RPAP1: variants seen among roughly 807,000 people sequenced by gnomAD.
RPAP1 encodes RNA polymerase II-associated protein 1.
Under a neutral mutation model 142.4 loss-of-function variants are expected in RPAP1, and 109 were observed. The ratio of observed to expected loss-of-function variants is 0.77; its 90% CI spans 0.66 to 0.90. The LOEUF (loss-of-function observed/expected upper bound fraction) is 0.90, where lower values mean the gene tolerates loss of function less well. Among genes scored for constraint, RPAP1 ranks in the 40% least tolerant of loss-of-function variants. RPAP1 has a pLI of 0.00. For missense variants in RPAP1, 1,546 were observed against 1,751.7 expected (o/e 0.88, Z 2.10); for synonymous variants, 704 against 738.9 (o/e 0.95, Z 0.77).
chr15:41,522,610 G>C, intron 19 of RPAP1, 155 bp downstream of exon 19: 1 of 640,786 alleles, frequency 1.6e-6, no homozygotes. Context: ...GGCTGGTCTC[G>C]AACTCCCGAC....
chr15:41,522,499 T>C (rs989904667), intron 19 of RPAP1: 5 of 568,912 alleles, frequency 8.8e-6, no homozygotes, highest in Non-Finnish European at 1.6e-5. Context: ...CAAGTGATTC[T>C]CCTGCCTCAG....
chr15:41,536,814 G>C, intron 2 of RPAP1, 131 bp downstream of exon 2: 1 of 1,378,882 alleles, frequency 7.3e-7, no homozygotes, highest in Non-Finnish European at 9.9e-7. Context: ...TGTAAAATGG[G>C]GCTGCAGAAA....
At chr15:41,521,253 C>G (rs980576493) in intron 21 of RPAP1, 106 bp from the exon 22 acceptor site, 1 of 1,128,680 alleles carries the variant, frequency 8.9e-7, no homozygotes, top group African/African-American at 1.5e-5. Flanking sequence ...AGACCTGTGC[C>G]TCTCTGCTCC....
At position 41,518,168 on chromosome 15, in the gene RPAP1, C is replaced by T; in HGVS notation, c.3810G>A (p.Leu1270=). Residue 1270 remains leucine (L), a synonymous_variant, in exon 23 of 25, where the codon CTG becomes CTA. Transcript: ENST00000304330. ...CTTCAGGAGGCACTGTGTAACACTC[C>T]AGGGACACAGGCAACTGTGACAGGG... is the stretch of plus-strand genomic sequence containing the variant. ...SLPLTQLPVS[L]ECYTVPPEDN... is the part of the protein sequence containing the mutation. 6.4e-7 allele frequency: 1 copy of T among 1,568,210 alleles called. No homozygotes were observed. Among genetic ancestry groups the T allele is most frequent in the Non-Finnish European group, 8.6e-7 (1 of 1,162,214 alleles).
At chr15:41,536,317 T>C (rs1288439436) in intron 3 of RPAP1, 99 bp from the exon 4 acceptor site, 1 of 1,338,000 alleles carries the variant, frequency 7.5e-7, no homozygotes, top group Non-Finnish European at 1.1e-6. Flanking sequence ...AGAACCTCAC[T>C]CTGGGGGGTT....
At chr15:41,521,430 A>G (rs1255738047) in intron 21 of RPAP1, among the ~76,000 whole-genome samples, 3 of 152,270 alleles carry the variant, frequency 2.0e-5, no homozygotes, top group Admixed American at 6.5e-5. Flanking sequence ...CTTAAAATGT[A>G]GATAAATACA....
At chr15:41,531,652 T>TGAGACGGAA (rs2051853209) in intron 6 of RPAP1, among the ~76,000 whole-genome samples, 1 of 95,582 alleles carries the variant, frequency 1.0e-5, no homozygotes, top group Admixed American at 1.2e-4. Context: ...TTTTTTTTTT[T>TGAGACGGAA]TTTTTTGAGA....
intron 19 of RPAP1, 168 bp downstream of exon 19, chr15:41,522,597 C>T (rs1016460630): frequency 2.0e-5 from 12 of 596,894 alleles, no homozygotes; most frequent in South Asian, 1.5e-4. Flanking sequence ...TCCATGTTGG[C>T]CAGGCTGGTC....
rs2051727107 is a variant in RPAP1, at chr15:41,521,651, C to T, written c.3038+87G>A. ...TCGGTGGAAGAAAGAGAATTTAGGT[C>T]TCCTGGCTCCAAATTCAGGGCTGCT... On this transcript the variant is annotated intron_variant, in intron 21 of 24. Transcript: ENST00000304330. 2.7e-6 allele frequency: 4 copies of T among 1,470,578 alleles called. No homozygotes were observed. The African/African-American group carries it at 4.2e-5, about 16-fold the overall frequency. The allele number at this position is 1,470,578 out of a possible 1,614,324, so 91.1% of individuals were successfully genotyped here.
chr15:41,522,881 A>C lies in RPAP1; in HGVS notation c.2626T>G (p.Ser876Ala). Residue 876 changes from serine (S) to alanine (A), a missense_variant, in exon 19 of 25, where the codon TCG (serine) becomes GCG (alanine). Ser to Ala is a moderately conservative substitution (Grantham distance 99). This residue lies in a region of RPAP1 where 1,333 missense variants were observed against 1,486.6 expected (regional missense o/e 0.90). Coordinates refer to ENST00000304330, the MANE Select transcript of RPAP1 (RefSeq NM_015540.4). ...APPSLVSLGC[S>A]GGCPRLSLAG... Reference sequence around the variant, plus strand: ...AGACTGAGACGGGGGCAGCCTCCCGAGCAGCCCAGTGACACGAGGCTGGGG... The same window carrying C: ...AGACTGAGACGGGGGCAGCCTCCCGCGCAGCCCAGTGACACGAGGCTGGGG... The C allele has an allele frequency of 6.3e-7, 1 of 1,578,676 alleles. No homozygotes were observed. Among genetic ancestry groups the C allele is most frequent in the African/African-American group, 1.4e-5 (1 of 72,380 alleles).
At chr15:41,539,942 A>G (rs1301413118) in intron 1 of RPAP1, among the ~76,000 whole-genome samples, 1 of 152,050 alleles carries the variant, frequency 6.6e-6, no homozygotes, top group Non-Finnish European at 1.5e-5. Context: ...CTGAGGCAGA[A>G]GAATCACTTG....
In RPAP1 at chr15:41,535,547, A is replaced by G. The variant is rs148016359; in HGVS notation, c.506T>C (p.Val169Ala). Residue 169 changes from valine to alanine, a missense_variant, in exon 5 of 25, where the codon GTT (valine) becomes GCT (alanine). Transcript: ENST00000304330. ...RRIAEAKGPS[V>A]GEVVPNVGPP... ...GCCCACGTTGGGCACAACTTCCCCA[A>G]CTGATGGGCCCTTGGCTTCAGCTAT... 4.6e-5 allele frequency: 75 copies of G among 1,613,384 alleles called. No individual in the cohort carries two copies. The African/African-American group carries it at 6.1e-4, about 13-fold the overall frequency.
rs766662664 is a variant in RPAP1, at chr15:41,527,201, C to A, written c.1712G>T (p.Arg571Leu). Residue 571 changes from arginine to leucine, a missense_variant, in exon 13 of 25, where the codon CGC becomes CTC. This residue lies in a region of RPAP1 where 1,333 missense variants were observed against 1,486.6 expected (regional missense o/e 0.90). Transcript: ENST00000304330. ...VVLDILAVLI[R>L]LARHSLESAT... is the part of the protein sequence containing the mutation. Reference sequence around the variant, plus strand: ...TGATTCCAGGGAATGCCGGGCCAGGCGGATGAGCACAGCCAGGATGTCAAG... The same window carrying A: ...TGATTCCAGGGAATGCCGGGCCAGGAGGATGAGCACAGCCAGGATGTCAAG... 6.2e-7 allele frequency: 1 copy of A among 1,614,172 alleles called. No homozygotes were observed. Among genetic ancestry groups the A allele is most frequent in the South Asian group, 1.1e-5 (1 of 91,086 alleles).
chr15:41,536,074 C>G, intron 4 of RPAP1, 55 bp downstream of exon 4: 6 of 1,336,612 alleles, frequency 4.5e-6, no homozygotes, highest in Non-Finnish European at 6.4e-6. Flanking sequence ...AGAAGATGCA[C>G]TATGAGACTC....
chr15:41,518,492 G>A (rs7180038), intron 22 of RPAP1: 25,630 of 217,644 alleles, frequency 0.12, 1,878 homozygotes, highest in East Asian at 0.33. Flanking sequence ...GACCAGCCTG[G>A]CCAACATGGT....
At chr15:41,540,848 C>G (rs2051965343) in intron 1 of RPAP1, among the ~76,000 whole-genome samples, 1 of 152,140 alleles carries the variant, frequency 6.6e-6, no homozygotes, top group Non-Finnish European at 1.5e-5. Flanking sequence ...TGCAACTACA[C>G]TAAGGTTTCT....
rs372032711 is a variant in RPAP1, at chr15:41,531,182, A to G, written c.784T>C (p.Leu262=). Reference sequence around the variant, plus strand: ...TCTTGCGTGTGGCTGTGAGATCTCAAGAAAGCAACCAAGCTGGGGTCTAGA... The same window carrying G: ...TCTTGCGTGTGGCTGTGAGATCTCAGGAAAGCAACCAAGCTGGGGTCTAGA... The part of the protein sequence containing the change: ...AQLDPSLVAF[L]RSHSHTQEQT... Residue 262 remains leucine (L), a synonymous_variant, in exon 7 of 25, where the codon TTG becomes CTG. Transcript: ENST00000304330. 4.7e-5 allele frequency: 76 copies of G among 1,612,190 alleles called. No individual in the cohort carries two copies. The highest frequency in any genetic ancestry group is 6.2e-5 in the Non-Finnish European group (73 of 1,178,588).
At position 41,532,079 on chromosome 15, in the gene RPAP1, T is replaced by C. The variant is rs568661634; in HGVS notation, c.764-877A>G. 1.5e-4 allele frequency among the ~76,000 whole-genome samples: 23 copies of C among 151,378 alleles called. 1 individual carries two copies. In the South Asian group the frequency reaches 4.8e-3, roughly 32 times the overall value. ...CTCTGTCGCCCAGGCTGGAGTGCCA[T>C]GGCACGATCTCGGCTCACTGCAAGG... On this transcript the variant is annotated intron_variant, in intron 6 of 24. Transcript: ENST00000304330.
chr15:41,534,583 C>CAAAA (rs764568682), intron 6 of RPAP1, 131 bp downstream of exon 6: 64 of 179,504 alleles, frequency 3.6e-4, no homozygotes, highest in African/African-American at 1.2e-3. Flanking sequence ...AAGACCATCT[C>CAAAA]AAAAAAAAAA....
Sources: allele counts gnomAD v4.1 joint callset (sites outside exome capture counted in the v4.1 genomes callset), GRCh38; gene constraint gnomAD v4.1.1; regional missense constraint gnomAD v4.1.1; transcripts MANE v1.5; gene names NCBI Gene and HGNC (gene_info 2026-07-23, HGNC 2026-07-21).